Variants in TSG101 observed in about 807,000 individuals in gnomAD.
The protein encoded by TSG101 is tumor susceptibility gene 101 protein.
TSG101 carries 19 observed loss-of-function variants against 48.5 expected under a neutral mutation model. The ratio of observed to expected loss-of-function variants is 0.39; its 90% confidence interval spans 0.27 to 0.58. The LOEUF (loss-of-function observed/expected upper bound fraction) is 0.58, where lower values mean the gene tolerates loss of function less well. Ranked by LOEUF, TSG101 falls within the 20% of genes least tolerant of loss-of-function variation. The pLI is 0.55. For missense variants in TSG101, 365 were observed against 484.4 expected, an observed-to-expected ratio of 0.75 and a Z score of 2.31; for synonymous variants, 174 against 169.4, an observed-to-expected ratio of 1.03 and a Z score of -0.21.
intron 1 of TSG101, among the ~76,000 whole-genome samples, chr11:18,523,191 GCA>G (rs202090861): frequency 2.0e-5 from 3 of 152,284 alleles, no homozygotes; most frequent in Admixed American, 6.5e-5. Flanking sequence ...CCCATGTCAA[GCA>G]CACAGTTTCT....
chr11:18,490,800 C>T, intron 7 of TSG101: 2 of 532,410 alleles, frequency 3.8e-6, no homozygotes, highest in African/African-American at 1.9e-5. Flanking sequence ...CAGCGGGCAC[C>T]AACCATGTTC....
intron 8 of TSG101, among the ~76,000 whole-genome samples, chr11:18,482,672 T>C (rs1849558895): frequency 6.6e-6 from 1 of 152,236 alleles, no homozygotes; most frequent in African/African-American, 2.4e-5. Flanking sequence ...CTTAAAGAGC[T>C]GAAGGTTGCA....
At position 18,480,564 on chromosome 11, in the gene TSG101, A is replaced by T; in HGVS notation, c.1155T>A (p.Gly385=). The change falls in exon 10 of 10, where the codon GGT becomes GGA. Residue 385 remains glycine, a synonymous_variant. Transcript: ENST00000251968. ...AGAGAAGTCAGTAGAGGTCACTGAG[A>T]CCGGCAGTCTTTCTTGCTTTTTGCA... The part of the protein sequence containing the change: ...ALMQKARKTA[G]LSDLY 1 of 1,613,882 alleles carries T rather than the reference A, an allele frequency of 6.2e-7. No homozygotes were observed.
chr11:18,506,392 A>T (rs1248722544), intron 6 of TSG101, among the ~76,000 whole-genome samples: 2 of 31,130 alleles, frequency 6.4e-5, no homozygotes, highest in Non-Finnish European at 3.3e-4. Context: ...CTCTTCTTTT[A>T]AAAAAAAAAA....
At chr11:18,485,590 A>G (rs549670677) in intron 7 of TSG101, among the ~76,000 whole-genome samples, 2 of 152,270 alleles carry the variant, frequency 1.3e-5, no homozygotes, top group East Asian at 1.9e-4. Flanking sequence ...AATGTAGAAG[A>G]AGGTAATTAT....
chr11:18,513,706 A>G (rs1465072746), intron 4 of TSG101, among the ~76,000 whole-genome samples: 1 of 152,188 alleles, frequency 6.6e-6, no homozygotes, highest in African/African-American at 2.4e-5. Flanking sequence ...TGAGACTGCT[A>G]GAGACTCTGC....
intron 7 of TSG101, chr11:18,490,757 CT>C (rs1308678457): frequency 6.0e-6 from 3 of 496,950 alleles, no homozygotes; most frequent in Non-Finnish European, 1.2e-5. Flanking sequence ...CCTCTGTTTT[CT>C]GCTCAATGCT....
chr11:18,502,373 G>T, intron 7 of TSG101, 113 bp downstream of exon 7: 1 of 733,586 alleles, frequency 1.4e-6, no homozygotes, highest in Non-Finnish European at 2.2e-6. Flanking sequence ...ATTATTATAG[G>T]TTTTCCTCTA....
Position 18,484,022 on chromosome 11 carries a change from T to A in TSG101, c.691A>T (p.Ile231Phe). ...CTCAGTTTGTCACTGACCGCAGAGA[T>A]GAGAGAGGCTCGGATGGTGTCCTCG... ...ISEDTIRASL[I>F]SAVSDKLRWR... Residue 231 changes from isoleucine to phenylalanine, a missense_variant, in exon 8 of 10, where the codon ATC becomes TTC. Transcript: ENST00000251968. The A allele has an allele frequency of 6.2e-7, 1 of 1,614,156 alleles. No individual in the cohort carries two copies.
intron 1 of TSG101, among the ~76,000 whole-genome samples, chr11:18,521,362 T>TC (rs1406988645): frequency 3.1e-5 from 4 of 129,268 alleles, no homozygotes; most frequent in African/African-American, 9.3e-5. Flanking sequence ...CTGATTCCTT[T>TC]TTTTTTTTTT....
intron 8 of TSG101, 98 bp downstream of exon 8, chr11:18,483,771 GA>G: frequency 1.6e-6 from 2 of 1,260,830 alleles, no homozygotes; most frequent in Non-Finnish European, 2.2e-6. Context: ...ATAATTTTCT[GA>G]ACTCCTACTA....
intron 7 of TSG101, among the ~76,000 whole-genome samples, chr11:18,490,025 T>C (rs1196621938): frequency 6.6e-6 from 1 of 152,154 alleles, no homozygotes. Context: ...TCAATGTTAA[T>C]CAAAATCAAA....
intron 2 of TSG101, 21 bp downstream of exon 2, chr11:18,519,496 CTA>C (rs1383400476): frequency 6.5e-7 from 1 of 1,532,866 alleles, no homozygotes; most frequent in Non-Finnish European, 9.0e-7. Flanking sequence ...ATAGAAATTG[CTA>C]TTTTTACTGC....
chr11:18,525,595 C>G, intron 1 of TSG101: 1 of 292,736 alleles, frequency 3.4e-6, no homozygotes, highest in Non-Finnish European at 5.0e-6. Context: ...CAGTTACATA[C>G]TATGTAAAAC....
chr11:18,499,381 A>AAT lies in TSG101; in HGVS notation c.640+3103_640+3104dup, dbSNP rs1229188041. Among the ~76,000 whole-genome samples the AAT allele has an allele frequency of 8.0e-3, 98 of 12,288 alleles. 4 individuals are homozygous for AAT. The highest frequency in any genetic ancestry group is 0.021 in the South Asian group (6 of 280). The allele number at this position is 12,288 out of a possible 152,430, so 8.1% of individuals were successfully genotyped here. A position where few individuals can be genotyped will look rare whatever the true frequency, so the allele number is the denominator to read the frequency against. On this transcript the variant is annotated intron_variant, in intron 7 of 9. Coordinates refer to ENST00000251968, the MANE Select transcript of TSG101 (RefSeq NM_006292.4). The stretch of plus-strand genomic sequence containing the variant: ...TTATATATAAATATGTTTATATTTA[A>AAT]ATATATATATATATATATATATTTT...
At chr11:18,505,406 C>G (rs547476968) in intron 6 of TSG101, among the ~76,000 whole-genome samples, 2 of 152,080 alleles carry the variant, frequency 1.3e-5, no homozygotes, top group East Asian at 3.9e-4. Flanking sequence ...CAGGTTCACA[C>G]CACCATGCCT....
chr11:18,493,529 G>A (rs547082781), intron 7 of TSG101, among the ~76,000 whole-genome samples: 1 of 152,146 alleles, frequency 6.6e-6, no homozygotes, highest in South Asian at 2.1e-4. Flanking sequence ...CCCTTAATCA[G>A]CAAAAGTAAA....
intron 2 of TSG101, among the ~76,000 whole-genome samples, chr11:18,518,652 G>C (rs1435613506): frequency 6.6e-6 from 1 of 152,036 alleles, no homozygotes; most frequent in Non-Finnish European, 1.5e-5. Context: ...AAAATGAAAG[G>C]GACAGTCCAG....
At position 18,514,821 on chromosome 11, in the gene TSG101, T is replaced by C. The variant is rs1850144160; in HGVS notation, c.214A>G (p.Ile72Val). The C allele has an allele frequency of 1.3e-6, 2 of 1,561,618 alleles. No homozygotes were observed. Among genetic ancestry groups the C allele is most frequent in the Non-Finnish European group, 1.7e-6 (2 of 1,163,348 alleles). Residue 72 changes from isoleucine (I) to valine (V), a missense_variant, in exon 4 of 10, where the codon ATA becomes GTA. Ile to Val is a conservative substitution (Grantham distance 29). Coordinates refer to ENST00000251968, the MANE Select transcript of TSG101 (RefSeq NM_006292.4). Reference sequence around the variant, plus strand: ...TATGTGTCCAGTAGCCATAGGCATATTGGAATATTGTATGTATTACCTGAA... The same window carrying C: ...TATGTGTCCAGTAGCCATAGGCATACTGGAATATTGTATGTATTACCTGAA... Reference protein sequence around the residue: ...PYRGNTYNIPICLWLLDTYPY... With the variant: ...PYRGNTYNIPVCLWLLDTYPY...
Sources: gnomAD v4.1 joint callset for allele counts (sites outside exome capture counted in the v4.1 genomes callset) on GRCh38, gnomAD v4.1.1 for gene constraint, MANE v1.5 for transcripts, NCBI Gene and HGNC (gene_info 2026-07-23, HGNC 2026-07-21) for gene names.